ADGRB3: variants seen among roughly 807,000 people sequenced by gnomAD.
ADGRB3 encodes brain-specific angiogenesis inhibitor 3.
Under a neutral mutation model 193.4 loss-of-function variants are expected in ADGRB3, and 37 were observed. That is an observed-to-expected ratio of 0.19 (90% CI 0.15 to 0.25). The LOEUF (loss-of-function observed/expected upper bound fraction) is 0.25. Among genes scored for constraint, ADGRB3 ranks in the 10% least tolerant of loss-of-function variants. The pLI, the probability that ADGRB3 is intolerant of heterozygous loss-of-function variation, is 1.00. For missense variants in ADGRB3, 1,637 were observed against 1,852.9 expected, an observed-to-expected ratio of 0.88 and a Z score of 2.14; for synonymous variants, 690 against 644.2, an observed-to-expected ratio of 1.07 and a Z score of -1.08.
intron 3 of ADGRB3, among the ~76,000 whole-genome samples, chr6:68,670,461 G>C (rs1407657212): frequency 2.0e-5 from 3 of 151,926 alleles, no homozygotes; most frequent in Non-Finnish European, 4.4e-5. Context: ...GAGAGACAGG[G>C]ATCTAGTGTT....
chr6:69,303,486 G>A (rs943388125), intron 20 of ADGRB3, among the ~76,000 whole-genome samples: 1 of 151,710 alleles, frequency 6.6e-6, no homozygotes, highest in South Asian at 2.1e-4. Context: ...TTTATGATGA[G>A]ACACTTCCAC....
chr6:68,930,617 A>T lies in ADGRB3; in HGVS notation c.816A>T (p.Glu272Asp), dbSNP rs144283437. 5.0e-6 allele frequency: 8 copies of T among 1,612,748 alleles called. No individual in the cohort carries two copies. The highest frequency in any genetic ancestry group is 2.2e-5 in the East Asian group (1 of 44,794). Residue 272 changes from glutamate (E) to aspartate (D), a missense_variant, in exon 4 of 32, where the codon GAA (glutamate) becomes GAT (aspartate). Physicochemically the swap from Glu to Asp is conservative, Grantham distance 45. This residue lies in a region of ADGRB3 where 365 missense variants were observed against 409.8 expected (regional missense o/e 0.89). Coordinates refer to ENST00000370598, the MANE Select transcript of ADGRB3 (RefSeq NM_001704.3). ...IKSQRPRSVH[E>D]KRVPQEQADA... ...GTCAGCGACCTCGATCTGTTCATGAAAAAAGGGTCCCTCAGGAACAAGCTG... is the reference window on the plus strand; with the variant it reads ...GTCAGCGACCTCGATCTGTTCATGATAAAAGGGTCCCTCAGGAACAAGCTG...
chr6:69,205,112 C>G (rs1765508603), intron 17 of ADGRB3, among the ~76,000 whole-genome samples: 1 of 152,136 alleles, frequency 6.6e-6, no homozygotes. Flanking sequence ...GAATAAGCTT[C>G]ATTAAAATAG....
At chr6:69,373,138 A>T (rs530003944) in intron 30 of ADGRB3, among the ~76,000 whole-genome samples, 16 of 152,188 alleles carry the variant, frequency 1.1e-4, no homozygotes, top group African/African-American at 2.4e-4. Flanking sequence ...AAATGTACTT[A>T]TGTGTATTGA....
chr6:69,083,958 A>C (rs1772473916), intron 17 of ADGRB3, among the ~76,000 whole-genome samples: 1 of 151,960 alleles, frequency 6.6e-6, no homozygotes, highest in African/African-American at 2.4e-5. Context: ...CATTTTTAGT[A>C]TAGACGCAGT....
intron 3 of ADGRB3, among the ~76,000 whole-genome samples, chr6:68,804,873 A>G (rs1201723201): frequency 6.6e-6 from 1 of 151,902 alleles, no homozygotes; most frequent in Non-Finnish European, 1.5e-5. Flanking sequence ...TTCATATTTC[A>G]TGGTATCTCT....
chr6:68,962,352 AAAG>A (rs150947243), intron 8 of ADGRB3, among the ~76,000 whole-genome samples: 2,775 of 152,274 alleles, frequency 0.018, 48 homozygotes, highest in East Asian at 0.052. Flanking sequence ...CTGAGATCTA[AAAG>A]AATTAATAAC....
intron 17 of ADGRB3, among the ~76,000 whole-genome samples, chr6:69,078,567 T>C (rs938065408): frequency 2.0e-5 from 3 of 152,086 alleles, no homozygotes; most frequent in East Asian, 1.9e-4. Context: ...ATCTGCTGCA[T>C]TGTATAGGTA....
rs529389876 is a variant in ADGRB3, at chr6:68,860,380, T to C, written c.758-70179T>C. ...CCAATAGTTGATTTTTCAACTCTAA[T>C]ACTCTTCCCACTCTCCCATTCTGGA... is the stretch of plus-strand genomic sequence containing the variant. On this transcript the variant is annotated intron_variant, in intron 3 of 31. Transcript: ENST00000370598. 7.9e-5 allele frequency among the ~76,000 whole-genome samples: 12 copies of C among 152,330 alleles called. 1 individual carries two copies. In the East Asian group the frequency reaches 1.7e-3, roughly 22 times the overall value.
chr6:69,146,821 C>CTTTTTTT (rs756561473), intron 17 of ADGRB3, among the ~76,000 whole-genome samples: 9 of 103,234 alleles, frequency 8.7e-5, no homozygotes, highest in Non-Finnish European at 1.5e-4. Context: ...CTCATTACTT[C>CTTTTTTT]TTTTTTTTTT....
intron 17 of ADGRB3, among the ~76,000 whole-genome samples, chr6:69,212,506 TA>T (rs1034804174): frequency 7.2e-6 from 1 of 138,952 alleles, no homozygotes; most frequent in African/African-American, 2.9e-5. Flanking sequence ...ATTTTTTCCA[TA>T]AAAGTGTTAT....
intron 28 of ADGRB3, among the ~76,000 whole-genome samples, chr6:69,357,274 A>AT (rs1769356383): frequency 1.3e-5 from 2 of 152,226 alleles, no homozygotes; most frequent in South Asian, 4.1e-4. Context: ...CTTACCTGAA[A>AT]TTCCTAAAAC....
At chr6:68,804,394 CCTTTGCACCTTGTATGTGTCCTAT>C (rs1487878883) in intron 3 of ADGRB3, among the ~76,000 whole-genome samples, 1 of 152,118 alleles carries the variant, frequency 6.6e-6, no homozygotes, top group Non-Finnish European at 1.5e-5. Context: ...TCTTGTGTTG[CCTTTGCACCTTGTATGTGTCCTAT>C]AAGTTTTCAG....
At chr6:68,652,605 A>G (rs570218288) in intron 3 of ADGRB3, among the ~76,000 whole-genome samples, 15 of 152,210 alleles carry the variant, frequency 9.9e-5, no homozygotes, top group Non-Finnish European at 2.2e-4. Flanking sequence ...TTAGATAAAT[A>G]TGAATATTTA....
chr6:69,292,865 C>T (rs779252128), intron 20 of ADGRB3, among the ~76,000 whole-genome samples: 7 of 152,000 alleles, frequency 4.6e-5, no homozygotes, highest in Non-Finnish European at 1.0e-4. Flanking sequence ...GCCATCCCTC[C>T]CCCGTCCCCC....
At chr6:68,786,286 G>A (rs1209068441) in intron 3 of ADGRB3, among the ~76,000 whole-genome samples, 2 of 152,054 alleles carry the variant, frequency 1.3e-5, no homozygotes, top group African/African-American at 4.8e-5. Flanking sequence ...TATGGTTTGA[G>A]GTCTAACATT....
chr6:68,973,078 G>A (rs571554824), intron 8 of ADGRB3, among the ~76,000 whole-genome samples: 1 of 152,284 alleles, frequency 6.6e-6, no homozygotes, highest in South Asian at 2.1e-4. Flanking sequence ...GTTTTAATGG[G>A]AACATGGAAT....
intron 11 of ADGRB3, among the ~76,000 whole-genome samples, chr6:68,994,474 C>G (rs546607099): frequency 6.6e-6 from 1 of 152,192 alleles, no homozygotes; most frequent in African/African-American, 2.4e-5. Flanking sequence ...TAAGAAAATA[C>G]GAAATTCAAT....
intron 3 of ADGRB3, among the ~76,000 whole-genome samples, chr6:68,791,999 T>C (rs1441624859): frequency 1.3e-5 from 2 of 152,160 alleles, no homozygotes; most frequent in East Asian, 3.8e-4. Context: ...CAGTATAACC[T>C]GTAGTTTATC....
Sources: allele counts gnomAD v4.1 joint callset (sites outside exome capture counted in the v4.1 genomes callset), GRCh38; gene constraint gnomAD v4.1.1; regional missense constraint gnomAD v4.1.1; transcripts MANE v1.5; gene names NCBI Gene and HGNC (gene_info 2026-07-23, HGNC 2026-07-21).